Variants in NLGN1 observed in about 807,000 individuals in gnomAD.
The protein encoded by NLGN1 is neuroligin 1.
NLGN1 carries 12 observed loss-of-function variants against 65.5 expected under a neutral mutation model. The observed-to-expected ratio is 0.18, with a 90% CI of 0.12 to 0.30. NLGN1 has a LOEUF of 0.30. Among genes scored for constraint, NLGN1 ranks in the 10% least tolerant of loss-of-function variants. The probability of loss-of-function intolerance (pLI) is 1.00; values close to 1 mark genes in which losing one functional copy is unlikely to be tolerated. For synonymous variants in NLGN1, 350 were observed against 359.5 expected (o/e 0.97, Z 0.30); for missense variants, 750 against 1,007.1 (o/e 0.74, Z 3.46).
chr3:173,500,110 G>A (rs1475948656), intron 2 of NLGN1, among the ~76,000 whole-genome samples: 1 of 152,108 alleles, frequency 6.6e-6, no homozygotes, highest in Non-Finnish European at 1.5e-5. Context: ...TGGTAAGAGA[G>A]GGCATCCCTG....
intron 4 of NLGN1, among the ~76,000 whole-genome samples, chr3:174,227,800 A>G (rs548705148): frequency 2.0e-4 from 30 of 152,272 alleles, no homozygotes; most frequent in Admixed American, 2.6e-4. Flanking sequence ...TATTTCAAGT[A>G]CAAATAATGA....
chr3:174,138,013 C>A (rs6777593), intron 4 of NLGN1, among the ~76,000 whole-genome samples: 8,382 of 152,072 alleles, frequency 0.055, 295 homozygotes, highest in African/African-American at 0.086. Flanking sequence ...CCATTTGACT[C>A]GAAGTTAGAA....
At chr3:173,568,379 G>C (rs1024477507) in intron 2 of NLGN1, among the ~76,000 whole-genome samples, 1 of 151,618 alleles carries the variant, frequency 6.6e-6, no homozygotes, top group Non-Finnish European at 1.5e-5. Context: ...GATTACAGGT[G>C]CCCCCCACCA....
chr3:174,236,991 T>C (rs977964053), intron 4 of NLGN1, among the ~76,000 whole-genome samples: 1 of 152,064 alleles, frequency 6.6e-6, no homozygotes, highest in Non-Finnish European at 1.5e-5. Flanking sequence ...GAGCACCTAT[T>C]ATATACTAGA....
intron 4 of NLGN1, among the ~76,000 whole-genome samples, chr3:173,925,278 C>A (rs1742795387): frequency 6.6e-6 from 1 of 151,858 alleles, no homozygotes; most frequent in Admixed American, 6.6e-5. Context: ...CACTGAGGAT[C>A]TTTTGGGGAT....
At chr3:174,169,973 A>G (rs61139285) in intron 4 of NLGN1, among the ~76,000 whole-genome samples, 13,992 of 152,148 alleles carry the variant, frequency 0.092, 1,271 homozygotes, top group African/African-American at 0.24. Context: ...CCCAGTGTAA[A>G]GGTGAGTCAC....
chr3:174,037,038 C>T (rs887764870), intron 4 of NLGN1, among the ~76,000 whole-genome samples: 3 of 152,034 alleles, frequency 2.0e-5, no homozygotes, highest in East Asian at 1.9e-4. Flanking sequence ...TCTTTGCTGT[C>T]GTAAATAGTG....
chr3:174,179,399 T>C (rs1372799708), intron 4 of NLGN1, among the ~76,000 whole-genome samples: 1 of 152,066 alleles, frequency 6.6e-6, no homozygotes, highest in Non-Finnish European at 1.5e-5. Context: ...GGATAGAAAA[T>C]ATATTGCAGT....
intron 3 of NLGN1, among the ~76,000 whole-genome samples, chr3:173,660,312 G>A (rs781249358): frequency 6.6e-6 from 1 of 151,372 alleles, no homozygotes; most frequent in Non-Finnish European, 1.5e-5. Context: ...GGGGAAGCTG[G>A]TTATCAAAGA....
chr3:173,760,198 A>G (rs1777769253), intron 3 of NLGN1, among the ~76,000 whole-genome samples: 1 of 151,974 alleles, frequency 6.6e-6, no homozygotes. Context: ...CTTTGAGCAC[A>G]TCCTATCTCA....
At chr3:173,595,994 C>G (rs1488228395) in intron 2 of NLGN1, among the ~76,000 whole-genome samples, 1 of 152,146 alleles carries the variant, frequency 6.6e-6, no homozygotes, top group Non-Finnish European at 1.5e-5. Context: ...CAGAGCCAAA[C>G]CATATCATGT....
At chr3:173,653,431 A>G (rs552997751) in intron 3 of NLGN1, among the ~76,000 whole-genome samples, 23 of 152,266 alleles carry the variant, frequency 1.5e-4, no homozygotes, top group Admixed American at 3.3e-4. Context: ...CTAGTTTGTT[A>G]AGGGTCTTCA....
chr3:173,412,583 A>G (rs1712815346), intron 1 of NLGN1, among the ~76,000 whole-genome samples: 1 of 152,284 alleles, frequency 6.6e-6, no homozygotes, highest in East Asian at 1.9e-4. Flanking sequence ...CACTAACAAA[A>G]TATTTCAGGA....
intron 4 of NLGN1, among the ~76,000 whole-genome samples, chr3:173,861,998 A>G (rs2150808274): frequency 1.3e-5 from 2 of 151,778 alleles, no homozygotes; most frequent in East Asian, 3.9e-4. Context: ...TGAACTCCTG[A>G]CCTCAGGTGA....
intron 4 of NLGN1, among the ~76,000 whole-genome samples, chr3:173,815,127 CT>C (rs879893098): frequency 1.3e-3 from 169 of 129,364 alleles, no homozygotes; most frequent in Middle Eastern, 4.0e-3. Context: ...CTTCCTTTTT[CT>C]TTTTTTTTTT....
chr3:173,972,249 C>G (rs1455453346), intron 4 of NLGN1, among the ~76,000 whole-genome samples: 1 of 152,048 alleles, frequency 6.6e-6, no homozygotes, highest in Non-Finnish European at 1.5e-5. Flanking sequence ...GAAGCTTCAG[C>G]TTGGAGAAGA....
chr3:173,596,958 C>T (rs1252171692), intron 2 of NLGN1, among the ~76,000 whole-genome samples: 1 of 152,168 alleles, frequency 6.6e-6, no homozygotes, highest in Non-Finnish European at 1.5e-5. Flanking sequence ...CCAACCCTGA[C>T]TTCTATCATT....
intron 4 of NLGN1, among the ~76,000 whole-genome samples, chr3:173,968,854 C>G (rs1715511283): frequency 6.6e-6 from 1 of 151,484 alleles, no homozygotes; most frequent in Non-Finnish European, 1.5e-5. Context: ...GCATGTGCCA[C>G]CATGCCTAGC....
intron 4 of NLGN1, among the ~76,000 whole-genome samples, chr3:174,148,517 T>C (rs1053409956): frequency 9.9e-5 from 15 of 152,178 alleles, no homozygotes; most frequent in Non-Finnish European, 1.8e-4. Flanking sequence ...CTTGCCTATC[T>C]TTAAATCTGT....
Sources: gnomAD v4.1 joint callset for allele counts (sites outside exome capture counted in the v4.1 genomes callset) on GRCh38, gnomAD v4.1.1 for gene constraint, MANE v1.5 for transcripts, NCBI Gene and HGNC (gene_info 2026-07-23, HGNC 2026-07-21) for gene names.